The following EDARADD variants were observed in gnomAD, a reference collection of about 807,000 sequenced individuals.
EDARADD encodes ectodysplasin-A receptor-associated adapter protein.
In EDARADD, 20 loss-of-function variants were observed where a neutral mutation model predicts 25.6. The ratio of observed to expected loss-of-function variants is 0.78; its 90% CI spans 0.55 to 1.14. The LOEUF (loss-of-function observed/expected upper bound fraction) is 1.14. Ranked by LOEUF, EDARADD falls within the 50% of genes most tolerant of loss-of-function variation. The probability of loss-of-function intolerance (pLI) is 0.00; values close to 1 mark genes in which losing one functional copy is unlikely to be tolerated. For synonymous variants in EDARADD, 86 were observed against 94.4 expected (o/e 0.91, Z 0.52); for missense variants, 225 against 270.1 (o/e 0.83, Z 1.17).
At chr1:236,355,498 TTC>T (rs1484351557) in intron 3 of EDARADD, among the ~76,000 whole-genome samples, 6 of 117,000 alleles carry the variant, frequency 5.1e-5, no homozygotes, top group Non-Finnish European at 1.0e-4. Context: ...CTGCTTCTTC[TTC>T]TTTTTTTTTT....
At chr1:236,418,783 C>T (rs920988463) in intron 3 of EDARADD, among the ~76,000 whole-genome samples, 4 of 152,160 alleles carry the variant, frequency 2.6e-5, no homozygotes, top group Non-Finnish European at 5.9e-5. Flanking sequence ...TCCTACCTCA[C>T]GGATTGATAA....
Position 236,459,108 on chromosome 1 carries a change from G to A in EDARADD, c.220-9123G>A, listed in dbSNP as rs956465749. Among the ~76,000 whole-genome samples the A allele has an allele frequency of 7.9e-5, 12 of 152,216 alleles. No individual in the cohort carries two copies. In the East Asian group the frequency reaches 1.4e-3, roughly 17 times the overall value. ...CCCGAGGAAAATTAGAGACTGAACC[G>A]GGGTGTCTGTGGATGCATTTCCTCA... On this transcript the variant is annotated intron_variant, in intron 4 of 5. Transcript: ENST00000334232.
intron 5 of EDARADD, among the ~76,000 whole-genome samples, chr1:236,468,495 C>T (rs1031336253): frequency 3.3e-5 from 5 of 152,058 alleles, no homozygotes; most frequent in African/African-American, 9.7e-5. Flanking sequence ...GTGGTGGGCG[C>T]CTGTAATCCC....
intron 3 of EDARADD, among the ~76,000 whole-genome samples, chr1:236,363,006 A>AAAAAATATATATATATATAT (rs1377112051): frequency 9.3e-5 from 4 of 42,942 alleles, no homozygotes; most frequent in African/African-American, 3.3e-4. Context: ...AAAAAAAAAA[A>AAAAAATATATATATATATAT]ATATATATAT....
chr1:236,474,022 C>T (rs1659431404), intron 5 of EDARADD, among the ~76,000 whole-genome samples: 1 of 152,128 alleles, frequency 6.6e-6, no homozygotes, highest in South Asian at 2.1e-4. Flanking sequence ...CCAAGCGATA[C>T]AGGAAATGCT....
At chr1:236,417,427 T>C (rs867504464) in intron 3 of EDARADD, among the ~76,000 whole-genome samples, 1 of 152,368 alleles carries the variant, frequency 6.6e-6, no homozygotes, top group South Asian at 2.1e-4. Flanking sequence ...AATGTGGTTT[T>C]AATAATCAGC....
In EDARADD at chr1:236,377,046, A is replaced by G. The variant is rs1269114845; in HGVS notation, c.-6+26207A>G. Among the ~76,000 whole-genome samples the G allele has an allele frequency of 3.3e-5, 5 of 150,832 alleles. 1 individual carries two copies. Among genetic ancestry groups the G allele is most frequent in the African/African-American group, 1.2e-4 (5 of 41,164 alleles). On this transcript the variant is annotated intron_variant, in intron 3 of 7. Transcript: ENST00000439430. ...TTTTTGATTTTTTCTTAGAATTTCC[A>G]TCTCTCTGTTTACATTGCCCATTTG...
intron 4 of EDARADD, among the ~76,000 whole-genome samples, chr1:236,457,062 G>A (rs1658889123): frequency 1.3e-5 from 2 of 151,894 alleles, no homozygotes; most frequent in Admixed American, 6.6e-5. Context: ...TCATTTCAAG[G>A]CCTTGAGTAC....
intron 2 of EDARADD, among the ~76,000 whole-genome samples, chr1:236,411,770 C>G (rs1388502049): frequency 6.6e-6 from 1 of 152,024 alleles, no homozygotes; most frequent in African/African-American, 2.4e-5. Flanking sequence ...AGGCTGGTCT[C>G]GCACTCCTGA....
At position 236,482,805 on chromosome 1, in the gene EDARADD, T is replaced by A. The variant is rs1659716168; in HGVS notation, c.*156T>A. 2 of 966,448 alleles carry A rather than the reference T, an allele frequency of 2.1e-6. No individual in the cohort carries two copies. Among genetic ancestry groups the A allele is most frequent in the African/African-American group, 3.3e-5 (2 of 61,118 alleles). 59.9% of individuals were successfully genotyped at this position (966,448 alleles called of 1,614,324 possible). On this transcript the variant is annotated 3_prime_UTR_variant, in exon 6 of 6. Transcript: ENST00000334232. Reference sequence around the variant, plus strand: ...GCTGGCAGTTTTGTGGAGGGGTAGCTTGTTTCGGTGGTGGATCTCTGTTTA... The same window carrying A: ...GCTGGCAGTTTTGTGGAGGGGTAGCATGTTTCGGTGGTGGATCTCTGTTTA...
intron 4 of EDARADD, among the ~76,000 whole-genome samples, chr1:236,463,055 T>TAC (rs1553269916): frequency 9.3e-6 from 1 of 107,008 alleles, no homozygotes; most frequent in African/African-American, 3.5e-5. Flanking sequence ...TACATTAATT[T>TAC]ACACACACAT....
At chr1:236,364,285 T>C (rs1667086304) in intron 3 of EDARADD, among the ~76,000 whole-genome samples, 3 of 152,220 alleles carry the variant, frequency 2.0e-5, no homozygotes, top group Non-Finnish European at 2.9e-5. Flanking sequence ...TTACTGCTAA[T>C]ATGAAGCTAT....
chr1:236,467,810 T>C (rs1372938294), intron 4 of EDARADD, among the ~76,000 whole-genome samples: 1 of 151,948 alleles, frequency 6.6e-6, no homozygotes, highest in Non-Finnish European at 1.5e-5. Context: ...CAGGCCGAAG[T>C]ACAGTGTCTC....
rs1215559214 is a variant in EDARADD at position 236,353,697 on chromosome 1, A to AG, written c.-6+2858_-6+2859insG. Among the ~76,000 whole-genome samples the AG allele has an allele frequency of 2.6e-3, 390 of 150,038 alleles. 2 individuals are homozygous for AG. The highest frequency in any genetic ancestry group is 9.2e-3 in the African/African-American group (376 of 40,852). On this transcript the variant is annotated intron_variant, in intron 3 of 7. Coordinates refer to the EDARADD transcript ENST00000439430. ...CAACTCCAAAAAAAAAAAAAAAAAA[A>AG]AGATATTGGACTAAGGTTGGTGTTT...
intron 4 of EDARADD, among the ~76,000 whole-genome samples, chr1:236,458,046 A>C (rs1261584047): frequency 6.6e-6 from 1 of 152,188 alleles, no homozygotes; most frequent in Non-Finnish European, 1.5e-5. Flanking sequence ...TTAGAATTTC[A>C]CTGAGACATT....
chr1:236,426,380 G>C (rs1217835795), intron 3 of EDARADD, among the ~76,000 whole-genome samples: 1 of 152,172 alleles, frequency 6.6e-6, no homozygotes, highest in Non-Finnish European at 1.5e-5. Flanking sequence ...ATCAGCAGCA[G>C]TTTATGAGTC....
intron 3 of EDARADD, among the ~76,000 whole-genome samples, chr1:236,386,938 G>A (rs1321415328): frequency 3.5e-4 from 16 of 45,610 alleles, no homozygotes; most frequent in African/African-American, 5.5e-4. Context: ...TCAGCCCCCC[G>A]CCCGGCCAGC....
At chr1:236,377,093 A>G (rs1667232931) in intron 3 of EDARADD, among the ~76,000 whole-genome samples, 1 of 149,862 alleles carries the variant, frequency 6.7e-6, no homozygotes, top group South Asian at 2.1e-4. Flanking sequence ...TACCTACTCT[A>G]TCCATTACAG....
chr1:236,444,876 T>C (rs1350057209), intron 4 of EDARADD, among the ~76,000 whole-genome samples: 2 of 152,174 alleles, frequency 1.3e-5, no homozygotes, highest in Non-Finnish European at 2.9e-5. Flanking sequence ...GATATGCCTG[T>C]AGTTTTTATT....
Sources: allele counts gnomAD v4.1 joint callset (sites outside exome capture counted in the v4.1 genomes callset), GRCh38; gene constraint gnomAD v4.1.1; transcripts MANE v1.5; gene names NCBI Gene and HGNC (gene_info 2026-07-23, HGNC 2026-07-21).